Variants in EYA1 observed in about 807,000 individuals in gnomAD.
EYA1 encodes protein phosphatase EYA1.
Under a neutral mutation model 82.0 loss-of-function variants are expected in EYA1, and 16 were observed. The ratio of observed to expected loss-of-function variants is 0.20; its 90% CI spans 0.13 to 0.30. The LOEUF is 0.30. Among genes scored for constraint, EYA1 ranks in the 10% least tolerant of loss-of-function variants. The pLI, the probability that EYA1 is intolerant of heterozygous loss-of-function variation, is 1.00. For missense variants in EYA1, 633 were observed against 730.7 expected, an observed-to-expected ratio of 0.87 and a Z score of 1.54; for synonymous variants, 261 against 264.4, an observed-to-expected ratio of 0.99 and a Z score of 0.12.
intron 2 of EYA1, among the ~76,000 whole-genome samples, chr8:71,454,373 G>A (rs1243531603): frequency 6.6e-6 from 1 of 152,168 alleles, no homozygotes; most frequent in African/African-American, 2.4e-5. Flanking sequence ...GAGACAGAAT[G>A]TTAACAAGGA....
At chr8:71,503,621 G>A (rs996818830) in intron 2 of EYA1, among the ~76,000 whole-genome samples, 2 of 152,112 alleles carry the variant, frequency 1.3e-5, no homozygotes, top group African/African-American at 4.8e-5. Context: ...CAAAATAAAT[G>A]TACTCATACA....
intron 7 of EYA1, among the ~76,000 whole-genome samples, chr8:71,312,514 T>C (rs1821453306): frequency 6.6e-6 from 1 of 152,242 alleles, no homozygotes; most frequent in Non-Finnish European, 1.5e-5. Flanking sequence ...TGGCACGATC[T>C]TGTCTCACTG....
intron 9 of EYA1, among the ~76,000 whole-genome samples, chr8:71,280,615 C>T (rs116318425): frequency 0.039 from 5,903 of 152,338 alleles, 125 homozygotes; most frequent in Middle Eastern, 0.13. Context: ...CTAAACTTCA[C>T]GCTTGAATTC....
intron 5 of EYA1, 24 bp downstream of exon 5, chr8:71,322,175 T>C (rs888007770): frequency 1.3e-6 from 2 of 1,584,016 alleles, no homozygotes; most frequent in Non-Finnish European, 1.7e-6. Context: ...AGTTATTTAT[T>C]GATTAAGAGA....
intron 2 of EYA1, chr8:71,405,054 T>A (rs1563578883): frequency 6.6e-6 from 1 of 151,634 alleles, no homozygotes; most frequent in Non-Finnish European, 1.5e-5. Context: ...GATACCTGAA[T>A]AAAATTAGGA....
chr8:71,275,333 T>C (rs1432056763), intron 9 of EYA1, among the ~76,000 whole-genome samples: 1 of 152,176 alleles, frequency 6.6e-6, no homozygotes, highest in Non-Finnish European at 1.5e-5. Flanking sequence ...GGTACGGGAC[T>C]TAGGAGGAAG....
At chr8:71,457,578 G>A (rs1412590923) in intron 2 of EYA1, among the ~76,000 whole-genome samples, 1 of 152,144 alleles carries the variant, frequency 6.6e-6, no homozygotes, top group Non-Finnish European at 1.5e-5. Flanking sequence ...ATACTATGCA[G>A]CCATAAAAAA....
At chr8:71,362,346 G>C (rs1333107138), upstream of EYA1, 1 of 314,808 alleles carries the variant, frequency 3.2e-6, no homozygotes, top group Admixed American at 6.5e-5. Context: ...AGCTGTGTGA[G>C]AATAACTTCT....
At chr8:71,434,278 T>C (rs2129164234) in intron 2 of EYA1, among the ~76,000 whole-genome samples, 1 of 152,330 alleles carries the variant, frequency 6.6e-6, no homozygotes, top group South Asian at 2.1e-4. Flanking sequence ...GCATACAATT[T>C]CACACATATA....
intron 2 of EYA1, among the ~76,000 whole-genome samples, chr8:71,509,047 C>T (rs1173053943): frequency 6.6e-6 from 1 of 151,900 alleles, no homozygotes; most frequent in Non-Finnish European, 1.5e-5. Context: ...CACAGAGAAA[C>T]CCCGTCTTTA....
chr8:71,363,135 T>C (rs1244385404), upstream of EYA1, among the ~76,000 whole-genome samples: 4 of 151,176 alleles, frequency 2.6e-5, no homozygotes, highest in Admixed American at 2.6e-4. Flanking sequence ...GATTAGGTCT[T>C]TTATTTAAGG....
chr8:71,242,937 C>T (rs144069896), intron 12 of EYA1, among the ~76,000 whole-genome samples: 1 of 149,724 alleles, frequency 6.7e-6, no homozygotes, highest in Non-Finnish European at 1.5e-5. Context: ...GCCACCACAC[C>T]CAGCTAATTT....
intron 4 of EYA1, among the ~76,000 whole-genome samples, chr8:71,326,318 G>T (rs1025102115): frequency 1.3e-5 from 2 of 152,210 alleles, no homozygotes; most frequent in East Asian, 3.9e-4. Flanking sequence ...AGTAAGTTTT[G>T]ACTCTTCTCT....
intron 2 of EYA1, among the ~76,000 whole-genome samples, chr8:71,367,483 A>C (rs1305471171): frequency 2.6e-5 from 4 of 151,874 alleles, no homozygotes; most frequent in Admixed American, 2.6e-4. Flanking sequence ...CCCCAAACCT[A>C]ATAACCTATA....
intron 2 of EYA1, among the ~76,000 whole-genome samples, chr8:71,477,941 C>A (rs900482334): frequency 9.2e-5 from 14 of 151,954 alleles, no homozygotes; most frequent in African/African-American, 2.7e-4. Context: ...CATGGATGAA[C>A]CTTGAAGACA....
intron 2 of EYA1, among the ~76,000 whole-genome samples, chr8:71,506,723 G>C (rs1812220631): frequency 6.6e-6 from 1 of 151,920 alleles, no homozygotes; most frequent in Non-Finnish European, 1.5e-5. Context: ...AAAAATAAAA[G>C]CATGAAAGTA....
At chr8:71,536,034 ATGTGGCCAAATTATAGCTCAG>A (rs1251662327) in intron 1 of EYA1, among the ~76,000 whole-genome samples, 1 of 152,250 alleles carries the variant, frequency 6.6e-6, no homozygotes, top group Non-Finnish European at 1.5e-5. Flanking sequence ...CATGAGCCAA[ATGTGGCCAAATTATAGCTCAG>A]TTGTGTCTGC....
intron 2 of EYA1, among the ~76,000 whole-genome samples, chr8:71,419,983 A>G (rs1417506917): frequency 6.6e-6 from 1 of 152,158 alleles, no homozygotes. Context: ...ACTTCTTCCC[A>G]TTAAGGCTTG....
chr8:71,247,645 AAACT>A (rs759265904), intron 11 of EYA1, among the ~76,000 whole-genome samples: 26 of 152,214 alleles, frequency 1.7e-4, no homozygotes, highest in Non-Finnish European at 5.9e-5. Flanking sequence ...CTGTAAAGAA[AAACT>A]AACTCATTTA....
Sources: allele counts gnomAD v4.1 joint callset (sites outside exome capture counted in the v4.1 genomes callset), GRCh38; gene constraint gnomAD v4.1.1; transcripts MANE v1.5; gene names NCBI Gene and HGNC (gene_info 2026-07-23, HGNC 2026-07-21).